Variants in SEZ6L observed in about 807,000 individuals in gnomAD.
SEZ6L encodes seizure 6-like protein.
In SEZ6L, 37 loss-of-function variants were observed where a neutral mutation model predicts 106.2. The observed-to-expected ratio is 0.35, with a 90% CI of 0.27 to 0.46. The LOEUF (loss-of-function observed/expected upper bound fraction) is 0.46, where lower values mean the gene tolerates loss of function less well. SEZ6L is among the 20% of genes least tolerant of loss of function. SEZ6L has a pLI of 1.00. For missense variants in SEZ6L, 1,172 were observed against 1,332.8 expected, an observed-to-expected ratio of 0.88 and a Z score of 1.88; for synonymous variants, 541 against 570.4, an observed-to-expected ratio of 0.95 and a Z score of 0.73.
chr22:26,208,336 T>C (rs1941394296), intron 1 of SEZ6L, among the ~76,000 whole-genome samples: 1 of 152,260 alleles, frequency 6.6e-6, no homozygotes, highest in Non-Finnish European at 1.5e-5. Flanking sequence ...CTATTTGGTG[T>C]CATTTTCCTT....
At chr22:26,314,016 G>A (rs1421766668) in intron 9 of SEZ6L, 114 bp downstream of exon 9, 28 of 1,095,412 alleles carry the variant, frequency 2.6e-5, no homozygotes, top group East Asian at 1.5e-4. Context: ...ACTATGTGCC[G>A]GGACTATGCA....
chr22:26,183,292 A>G (rs1377043479), intron 1 of SEZ6L, among the ~76,000 whole-genome samples: 1 of 152,192 alleles, frequency 6.6e-6, no homozygotes, highest in East Asian at 1.9e-4. Flanking sequence ...AGGGATACAG[A>G]GAGAAACAAA....
At chr22:26,314,111 G>GA (rs1556340842) in intron 9 of SEZ6L, among the ~76,000 whole-genome samples, 1 of 143,472 alleles carries the variant, frequency 7.0e-6, no homozygotes, top group Non-Finnish European at 1.5e-5. Context: ...GAGAGAGAGA[G>GA]GAGAGAGAGA....
rs751234689 is a variant in SEZ6L, at chr22:26,377,685, T to C, written c.2955T>C (p.Tyr985=). The change falls in exon 16 of 17, where the codon TAT becomes TAC. Residue 985 remains tyrosine, a synonymous_variant. Coordinates refer to ENST00000248933, the MANE Select transcript of SEZ6L (RefSeq NM_021115.5). ...TTCTTTCCCCCAGATGTCGCTACTA[T>C]TCCAACCTCCGCCTGCCTCTGATGT... The part of the protein sequence containing the change: ...AYIYITRCRY[Y]SNLRLPLMYS... The C allele has an allele frequency of 6.2e-7, 1 of 1,613,560 alleles. No individual in the cohort carries two copies. The highest frequency in any genetic ancestry group is 8.5e-7 in the Non-Finnish European group (1 of 1,179,612).
chr22:26,324,141 CAT>C (rs1209691974), intron 9 of SEZ6L, among the ~76,000 whole-genome samples: 5 of 151,546 alleles, frequency 3.3e-5, no homozygotes, highest in African/African-American at 1.2e-4. Context: ...AAGTGCTCCA[CAT>C]GAGAGAAATT....
At chr22:26,191,976 CTCCATCCATCCATCCA>C (rs55983247) in intron 1 of SEZ6L, among the ~76,000 whole-genome samples, 25 of 149,970 alleles carry the variant, frequency 1.7e-4, no homozygotes, top group African/African-American at 4.7e-4. Flanking sequence ...AAGCAAGTCA[CTCCATCCATCCATCCA>C]TCCATCCATC....
intron 1 of SEZ6L, among the ~76,000 whole-genome samples, chr22:26,279,069 C>T (rs1357228884): frequency 2.0e-5 from 3 of 151,668 alleles, no homozygotes; most frequent in Non-Finnish European, 4.4e-5. Flanking sequence ...CCCCCAACCA[C>T]GTTGAATGAC....
At chr22:26,246,701 A>G (rs2079361125) in intron 1 of SEZ6L, among the ~76,000 whole-genome samples, 2 of 152,220 alleles carry the variant, frequency 1.3e-5, no homozygotes, top group South Asian at 4.1e-4. Context: ...ATTAAATGAG[A>G]TAATATTTGT....
chr22:26,271,408 T>A (rs1450404859), intron 1 of SEZ6L, among the ~76,000 whole-genome samples: 1 of 152,154 alleles, frequency 6.6e-6, no homozygotes, highest in Admixed American at 6.5e-5. Flanking sequence ...ACCAAAAACA[T>A]GGAATGGAGT....
intron 1 of SEZ6L, among the ~76,000 whole-genome samples, chr22:26,290,008 C>T (rs1197765128): frequency 2.0e-5 from 3 of 152,228 alleles, no homozygotes; most frequent in African/African-American, 7.2e-5. Flanking sequence ...ATTTGCTAAG[C>T]ACTCACTACG....
chr22:26,340,233 CA>C (rs543007580), intron 9 of SEZ6L, among the ~76,000 whole-genome samples: 108 of 146,896 alleles, frequency 7.4e-4, no homozygotes, highest in African/African-American at 2.2e-3. Flanking sequence ...GACTCTGTCT[CA>C]AAAAAAAAAT....
intron 16 of SEZ6L, among the ~76,000 whole-genome samples, chr22:26,378,687 G>C (rs1043599825): frequency 2.6e-5 from 4 of 152,190 alleles, no homozygotes; most frequent in Non-Finnish European, 5.9e-5. Flanking sequence ...GAAGATGCCA[G>C]ACAGAAGGGA....
intron 1 of SEZ6L, among the ~76,000 whole-genome samples, chr22:26,286,118 T>C (rs73156899): frequency 0.12 from 17,771 of 152,300 alleles, 1,134 homozygotes; most frequent in Middle Eastern, 0.2. Context: ...AGTTTTGCAG[T>C]ACCTTTTACC....
chr22:26,202,590 C>G (rs965437800), intron 1 of SEZ6L, among the ~76,000 whole-genome samples: 1 of 152,228 alleles, frequency 6.6e-6, no homozygotes, highest in Non-Finnish European at 1.5e-5. Context: ...AGGAAGGTGA[C>G]AGGGGTTAAC....
Position 26,245,950 on chromosome 22 carries a change from C to A in SEZ6L, c.95-46456C>A, listed in dbSNP as rs529178640. On this transcript the variant is annotated intron_variant, in intron 1 of 16. Coordinates refer to ENST00000248933, the MANE Select transcript of SEZ6L (RefSeq NM_021115.5). The stretch of plus-strand genomic sequence containing the variant: ...AATGATGATGATTCCTGTAAATACT[C>A]CACGTAGTTAGAACGTGAAACTCTA... Among the ~76,000 whole-genome samples the A allele has an allele frequency of 2.6e-5, 4 of 152,328 alleles. No individual in the cohort carries two copies. The South Asian group carries it at 8.3e-4, about 32-fold the overall frequency.
intron 9 of SEZ6L, among the ~76,000 whole-genome samples, chr22:26,317,794 C>T (rs2082046615): frequency 6.6e-6 from 1 of 152,022 alleles, no homozygotes; most frequent in African/African-American, 2.4e-5. Context: ...GGAGAGAGGG[C>T]CCTCAGTTTC....
At chr22:26,356,220 C>T (rs1016205017) in intron 12 of SEZ6L, among the ~76,000 whole-genome samples, 1 of 152,180 alleles carries the variant, frequency 6.6e-6, no homozygotes, top group African/African-American at 2.4e-5. Context: ...TATTAAATAC[C>T]AGTTCCATTT....
intron 1 of SEZ6L, among the ~76,000 whole-genome samples, chr22:26,289,018 G>T (rs1027437327): frequency 2.6e-5 from 4 of 152,176 alleles, no homozygotes; most frequent in Non-Finnish European, 5.9e-5. Flanking sequence ...CAATTCCCTG[G>T]TCATTTCAAA....
chr22:26,358,216 A>G (rs939579473), intron 12 of SEZ6L, among the ~76,000 whole-genome samples: 1 of 152,168 alleles, frequency 6.6e-6, no homozygotes, highest in Non-Finnish European at 1.5e-5. Flanking sequence ...ACCCTAGGGG[A>G]TTTGGGTAAA....
Sources: allele counts gnomAD v4.1 joint callset (sites outside exome capture counted in the v4.1 genomes callset), GRCh38; gene constraint gnomAD v4.1.1; transcripts MANE v1.5; gene names NCBI Gene and HGNC (gene_info 2026-07-23, HGNC 2026-07-21).